The following FRMD6 variants were observed in gnomAD, a reference collection of about 807,000 sequenced individuals.
The protein encoded by FRMD6 is FERM domain containing 6.
FRMD6 carries 37 observed loss-of-function variants against 73.2 expected under a neutral mutation model. That is an observed-to-expected ratio of 0.51 (90% CI 0.39 to 0.66). The LOEUF (loss-of-function observed/expected upper bound fraction) is 0.66, where lower values mean the gene tolerates loss of function less well. Among genes scored for constraint, FRMD6 ranks in the 30% least tolerant of loss-of-function variants. The pLI is 0.00. For missense variants in FRMD6, 714 were observed against 780.5 expected (o/e 0.91, Z 1.02); for synonymous variants, 273 against 282.2 (o/e 0.97, Z 0.33).
chr14:51,421,066 G>GT, the FRMD6 span, among the ~76,000 whole-genome samples: 18 of 152,262 alleles, frequency 1.2e-4, no homozygotes, highest in African/African-American at 4.3e-4. Context: ...GTGAGCCACT[G>GT]TGCCGGCTGT....
the FRMD6 span, among the ~76,000 whole-genome samples, chr14:51,438,192 A>G: frequency 6.6e-6 from 1 of 151,998 alleles, no homozygotes; most frequent in Non-Finnish European, 1.5e-5. Context: ...TTTGACAGAC[A>G]TCCTTACAGT....
At chr14:51,419,554 A>G in the FRMD6 span, among the ~76,000 whole-genome samples, 1 of 152,106 alleles carries the variant, frequency 6.6e-6, no homozygotes, top group Admixed American at 6.5e-5. Flanking sequence ...TCTTGTAACA[A>G]TCTTCTTTAG....
intron 1 of FRMD6, among the ~76,000 whole-genome samples, chr14:51,681,688 A>G (rs1404513930): frequency 1.3e-5 from 2 of 152,204 alleles, no homozygotes; most frequent in East Asian, 3.8e-4. Context: ...ATTTCAAGTG[A>G]CATACACAGC....
intron 1 of FRMD6, among the ~76,000 whole-genome samples, chr14:51,519,283 A>G (rs1198265351): frequency 3.4e-5 from 5 of 148,566 alleles, no homozygotes; most frequent in Non-Finnish European, 5.9e-5. Flanking sequence ...TCCTGTCTCG[A>G]CCTCCCAAGT....
chr14:51,457,215 A>T, the FRMD6 span, among the ~76,000 whole-genome samples: 24 of 152,346 alleles, frequency 1.6e-4, no homozygotes, highest in Middle Eastern at 6.8e-3. Flanking sequence ...ACACAATGTA[A>T]ACATGTATCA....
intron 2 of FRMD6, chr14:51,575,964 A>G (rs897013231): frequency 2.6e-5 from 4 of 152,342 alleles, no homozygotes; most frequent in Non-Finnish European, 4.4e-5. Flanking sequence ...CACTGGCAGC[A>G]AATGGTTGTA....
intron 2 of FRMD6, among the ~76,000 whole-genome samples, chr14:51,625,681 A>G (rs111663896): frequency 8.9e-4 from 135 of 152,296 alleles, no homozygotes; most frequent in Middle Eastern, 3.4e-3. Flanking sequence ...CTCTGATCCA[A>G]CACGCTCATT....
At chr14:51,698,376 G>A (rs760678358) in intron 3 of FRMD6, 144 bp downstream of exon 3, 5 of 443,174 alleles carry the variant, frequency 1.1e-5, no homozygotes, top group Non-Finnish European at 2.0e-5. Flanking sequence ...TTTAGTGTAG[G>A]TGTAGTATTT....
At chr14:51,691,795 A>G (rs1895601120) in intron 2 of FRMD6, among the ~76,000 whole-genome samples, 1 of 151,524 alleles carries the variant, frequency 6.6e-6, no homozygotes, top group South Asian at 2.1e-4. Flanking sequence ...GGGTTTCACC[A>G]TGTTGGCCAG....
chr14:51,469,730 T>C, the FRMD6 span, among the ~76,000 whole-genome samples: 2 of 152,138 alleles, frequency 1.3e-5, no homozygotes, highest in Non-Finnish European at 2.9e-5. Context: ...AGAAATACTT[T>C]ATTTTTTTTT....
chr14:51,419,084 C>T, the FRMD6 span, among the ~76,000 whole-genome samples: 37 of 152,330 alleles, frequency 2.4e-4, no homozygotes, highest in African/African-American at 8.9e-4. Flanking sequence ...TACCATCTCT[C>T]ATGGCTTCCC....
chr14:51,399,873 T>A, the FRMD6 span, among the ~76,000 whole-genome samples: 1 of 152,114 alleles, frequency 6.6e-6, no homozygotes, highest in Non-Finnish European at 1.5e-5. Flanking sequence ...TACAGGCGAA[T>A]AAGAAAGTGA....
chr14:51,677,719 A>G (rs8021661), intron 1 of FRMD6, among the ~76,000 whole-genome samples: 107,024 of 151,944 alleles, frequency 0.7, 37,860 homozygotes, highest in Non-Finnish European at 0.72. Flanking sequence ...TTTTGGTTTT[A>G]ATGTCCGTGT....
At chr14:51,470,031 T>C in the FRMD6 span, among the ~76,000 whole-genome samples, 5 of 152,186 alleles carry the variant, frequency 3.3e-5, no homozygotes, top group Non-Finnish European at 7.3e-5. Flanking sequence ...TAAGTTGTAT[T>C]TTCCAAGATT....
intron 1 of FRMD6, among the ~76,000 whole-genome samples, chr14:51,510,570 A>G (rs942751723): frequency 2.6e-5 from 4 of 152,200 alleles, no homozygotes; most frequent in Non-Finnish European, 5.9e-5. Context: ...TTACCTCGTG[A>G]AGGAGAGCTC....
At chr14:51,468,656 A>G in the FRMD6 span, among the ~76,000 whole-genome samples, 2 of 152,076 alleles carry the variant, frequency 1.3e-5, no homozygotes, top group Non-Finnish European at 2.9e-5. Context: ...TTGTTCCCAA[A>G]CCCGGGGGTG....
At chr14:51,622,796 T>C (rs1455877764) in intron 2 of FRMD6, among the ~76,000 whole-genome samples, 1 of 152,174 alleles carries the variant, frequency 6.6e-6, no homozygotes, top group African/African-American at 2.4e-5. Flanking sequence ...GACAGGGTCT[T>C]ACACTGTCAC....
At chr14:51,659,771 C>G (rs1025724707) in intron 1 of FRMD6, among the ~76,000 whole-genome samples, 16 of 152,154 alleles carry the variant, frequency 1.1e-4, no homozygotes, top group Non-Finnish European at 2.2e-4. Flanking sequence ...CATGTGAGTA[C>G]TTCTGAAGAA....
chr14:51,504,144 C>T (rs1020437252), intron 1 of FRMD6, among the ~76,000 whole-genome samples: 2 of 152,084 alleles, frequency 1.3e-5, no homozygotes, highest in African/African-American at 4.8e-5. Flanking sequence ...TTCTAGCTTT[C>T]TGTTTGTTTT....
Sources: allele counts gnomAD v4.1 joint callset (sites outside exome capture counted in the v4.1 genomes callset), GRCh38; gene constraint gnomAD v4.1.1; transcripts MANE v1.5; gene names NCBI Gene and HGNC (gene_info 2026-07-23, HGNC 2026-07-21).